Variants in COG7 observed in about 807,000 individuals in gnomAD.
The protein encoded by COG7 is conserved oligomeric Golgi complex subunit 7.
A neutral mutation model predicts 91.5 loss-of-function variants in COG7; 49 were observed. The ratio of observed to expected loss-of-function variants is 0.54; its 90% CI spans 0.43 to 0.68. COG7 has a LOEUF of 0.68. Among genes scored for constraint, COG7 ranks in the 30% least tolerant of loss-of-function variants. COG7 has a pLI of 0.00. For missense variants in COG7, 895 were observed against 961.3 expected (o/e 0.93, Z 0.91); for synonymous variants, 365 against 388.7 (o/e 0.94, Z 0.72).
In COG7 at chr16:23,452,981, T is replaced by C; in HGVS notation, c.14A>G (p.Lys5Arg). Residue 5 changes from lysine (K) to arginine (R), a missense_variant, in exon 1 of 17, where the codon AAG (lysine) becomes AGG (arginine). Transcript: ENST00000307149. ...CACGTCGAAGTCGTCTGCCAGGAACTTGGAGAAGTCCATGGCGGAACTGCC... is the reference window on the plus strand; with the variant it reads ...CACGTCGAAGTCGTCTGCCAGGAACCTGGAGAAGTCCATGGCGGAACTGCC... The part of the protein sequence containing the change: MDFS[K>R]FLADDFDVKE... 6.2e-7 allele frequency: 1 copy of C among 1,614,050 alleles called. No individual in the cohort carries two copies. The highest frequency in any genetic ancestry group is 8.5e-7 in the Non-Finnish European group (1 of 1,179,932).
intron 1 of COG7, among the ~76,000 whole-genome samples, chr16:23,452,195 G>A (rs1288163919): frequency 2.0e-5 from 3 of 152,188 alleles, no homozygotes; most frequent in Non-Finnish European, 4.4e-5. Flanking sequence ...AATAAAAAGG[G>A]AATCCCAGAG....
intron 11 of COG7, among the ~76,000 whole-genome samples, chr16:23,407,842 C>T (rs1963487976): frequency 1.3e-5 from 2 of 151,728 alleles, no homozygotes; most frequent in Admixed American, 1.3e-4. Flanking sequence ...TTACAAGTTC[C>T]CATGGCTGAG....
chr16:23,406,144 A>G lies in COG7; in HGVS notation c.1594T>C (p.Tyr532His). 2 of 1,614,156 alleles carry G rather than the reference A, an allele frequency of 1.2e-6. No homozygotes were observed. Among genetic ancestry groups the G allele is most frequent in the Non-Finnish European group, 1.7e-6 (2 of 1,179,998 alleles). Residue 532 changes from tyrosine (Y) to histidine (H), a missense_variant, in exon 12 of 17, where the codon TAT becomes CAT. Transcript: ENST00000307149. ...KNSAKNPWQE[Y>H]NYLQKDNPAE... ...GGGTTATCTTTCTGGAGGTAATTAT[A>G]TTCTTGCCATGGGTTCTTGGCAGAG... is the stretch of plus-strand genomic sequence containing the variant.
chr16:23,433,419 G>A, intron 6 of COG7, 126 bp downstream of exon 6: 1 of 1,262,766 alleles, frequency 7.9e-7, no homozygotes, highest in Non-Finnish European at 1.1e-6. Context: ...CCCCTTGAAT[G>A]ACAGCAACAA....
intron 6 of COG7, among the ~76,000 whole-genome samples, chr16:23,427,213 T>C (rs1435929581): frequency 6.6e-6 from 1 of 152,108 alleles, no homozygotes; most frequent in Non-Finnish European, 1.5e-5. Context: ...ATTGCACCAC[T>C]GCACTCCAGC....
intron 13 of COG7, among the ~76,000 whole-genome samples, chr16:23,402,302 G>A (rs148379557): frequency 2.0e-5 from 3 of 151,910 alleles, no homozygotes; most frequent in East Asian, 3.9e-4. Flanking sequence ...AACTGCTGAC[G>A]CTGATTATTT....
chr16:23,449,572 T>C (rs995618826), intron 1 of COG7, among the ~76,000 whole-genome samples: 3 of 150,226 alleles, frequency 2.0e-5, no homozygotes, highest in South Asian at 2.1e-4. Context: ...GTAGAACCCA[T>C]CTCTACTAAA....
At chr16:23,452,388 GAGATCCCA>G (rs1964278050) in intron 1 of COG7, among the ~76,000 whole-genome samples, 7 of 152,152 alleles carry the variant, frequency 4.6e-5, no homozygotes. Flanking sequence ...GCAACACAGT[GAGATCCCA>G]TCTCTACAAT....
chr16:23,445,730 T>C (rs1438688600), intron 2 of COG7, 83 bp downstream of exon 2: 36 of 1,381,898 alleles, frequency 2.6e-5, no homozygotes, highest in Non-Finnish European at 3.6e-5. Flanking sequence ...AACACCGTGC[T>C]GTTCTAAAGC....
At chr16:23,432,077 G>GCC (rs1022955477) in intron 6 of COG7, among the ~76,000 whole-genome samples, 5 of 151,978 alleles carry the variant, frequency 3.3e-5, no homozygotes, top group African/African-American at 1.2e-4. Context: ...AACCCAGGAG[G>GCC]CCGAGGCTGC....
chr16:23,422,529 T>C (rs1233389335), intron 7 of COG7, among the ~76,000 whole-genome samples: 2 of 149,308 alleles, frequency 1.3e-5, no homozygotes, highest in Non-Finnish European at 3.0e-5. Context: ...ATGTTATGTA[T>C]TTATTACATA....
intron 13 of COG7, among the ~76,000 whole-genome samples, chr16:23,400,262 G>C (rs560026873): frequency 5.9e-4 from 90 of 152,220 alleles, no homozygotes; most frequent in African/African-American, 2.1e-3. Flanking sequence ...AGAAAATTGG[G>C]GTGGGGGGCA....
chr16:23,405,042 C>T (rs1354645665), intron 12 of COG7, among the ~76,000 whole-genome samples: 1 of 152,190 alleles, frequency 6.6e-6, no homozygotes, highest in East Asian at 1.9e-4. Context: ...AAAGGATGCC[C>T]ACGGTCTTCT....
At chr16:23,405,897 T>C (rs912389614) in intron 12 of COG7, among the ~76,000 whole-genome samples, 179 bp downstream of exon 12, 6 of 152,076 alleles carry the variant, frequency 3.9e-5, no homozygotes, top group African/African-American at 1.4e-4. Flanking sequence ...TCTCAATGGG[T>C]TTCAAGTTTA....
intron 6 of COG7, 53 bp downstream of exon 6, chr16:23,433,492 G>A (rs564786812): frequency 2.5e-5 from 40 of 1,611,974 alleles, no homozygotes; most frequent in African/African-American, 1.9e-4. Context: ...GCAGTCACCC[G>A]TTCCCTTGTC....
In COG7 at chr16:23,388,724, A is replaced by G. The variant is rs1048593872; in HGVS notation, c.*196T>C. The G allele has an allele frequency of 1.1e-6, 1 of 884,464 alleles. No individual in the cohort carries two copies. Among genetic ancestry groups the G allele is most frequent in the Non-Finnish European group, 1.6e-6 (1 of 614,328 alleles). 54.8% of individuals were successfully genotyped at this position (884,464 alleles called of 1,614,324 possible). ...ACCATGTTGGTCAGGCTGGTCTCGA[A>G]CTCCTGGCTTCATGATCCATCTGGC... On this transcript the variant is annotated 3_prime_UTR_variant, in exon 17 of 17. Transcript: ENST00000307149.
chr16:23,446,154 C>G (rs1005923645), intron 1 of COG7, among the ~76,000 whole-genome samples, 193 bp from the exon 2 acceptor site: 5 of 152,082 alleles, frequency 3.3e-5, no homozygotes, highest in African/African-American at 9.7e-5. Context: ...TGGCCCCTGC[C>G]GGGATCACGT....
chr16:23,440,219 T>G (rs1964079333), intron 4 of COG7, among the ~76,000 whole-genome samples: 8 of 151,612 alleles, frequency 5.3e-5, no homozygotes. Flanking sequence ...CAAAACCCCA[T>G]CTCCACTAAA....
intron 10 of COG7, 96 bp from the exon 11 acceptor site, chr16:23,410,456 C>T: frequency 1.9e-6 from 2 of 1,035,390 alleles, no homozygotes; most frequent in South Asian, 1.3e-5. Flanking sequence ...TAACTATTTG[C>T]TCCTTTGGGT....
Sources: allele counts gnomAD v4.1 joint callset (sites outside exome capture counted in the v4.1 genomes callset), GRCh38; gene constraint gnomAD v4.1.1; transcripts MANE v1.5; gene names NCBI Gene and HGNC (gene_info 2026-07-23, HGNC 2026-07-21).